HSPA12A: variants seen among roughly 807,000 people sequenced by gnomAD.
HSPA12A encodes heat shock 70 kDa protein 12A.
In HSPA12A, 28 loss-of-function variants were observed where a neutral mutation model predicts 69.2. That is an observed-to-expected ratio of 0.40 (90% CI 0.30 to 0.55). The LOEUF (loss-of-function observed/expected upper bound fraction) is 0.55, where lower values mean the gene tolerates loss of function less well. HSPA12A is among the 20% of genes least tolerant of loss of function. HSPA12A has a pLI of 0.38. For synonymous variants in HSPA12A, 345 were observed against 370.5 expected (o/e 0.93, Z 0.79); for missense variants, 686 against 900.7 (o/e 0.76, Z 3.05).
intron 5 of HSPA12A, among the ~76,000 whole-genome samples, chr10:116,696,494 C>G (rs924564857): frequency 6.6e-6 from 1 of 152,190 alleles, no homozygotes; most frequent in Non-Finnish European, 1.5e-5. Flanking sequence ...ATTCTTCCTT[C>G]GTCTTGCACC....
intron 1 of HSPA12A, among the ~76,000 whole-genome samples, chr10:116,721,700 C>T (rs1850782911): frequency 6.6e-6 from 1 of 152,168 alleles, no homozygotes; most frequent in Non-Finnish European, 1.5e-5. Context: ...ATATGAGTCT[C>T]TCCAAACCCT....
At chr10:116,689,811 AAAAAAC>A (rs1355791799) in intron 6 of HSPA12A, among the ~76,000 whole-genome samples, 1 of 152,030 alleles carries the variant, frequency 6.6e-6, no homozygotes, top group Non-Finnish European at 1.5e-5. Flanking sequence ...AAAAAAAAAA[AAAAAAC>A]AATGACCCAG....
intron 2 of HSPA12A, among the ~76,000 whole-genome samples, chr10:116,814,137 A>G (rs1258702111): frequency 2.6e-5 from 4 of 152,252 alleles, no homozygotes; most frequent in African/African-American, 9.6e-5. Context: ...TTTTTAAAAA[A>G]GAATTAAATG....
intron 2 of HSPA12A, among the ~76,000 whole-genome samples, chr10:116,758,325 G>T (rs1446110491): frequency 6.6e-6 from 1 of 152,070 alleles, no homozygotes; most frequent in East Asian, 1.9e-4. Context: ...TCAATGCATT[G>T]CCCTGTGACT....
chr10:116,797,258 C>T (rs371797264), intron 2 of HSPA12A, among the ~76,000 whole-genome samples: 1 of 128,510 alleles, frequency 7.8e-6, no homozygotes. Flanking sequence ...GGCTGGTGCA[C>T]GGGGCTGACA....
chr10:116,730,495 C>T (rs1380693938), intron 1 of HSPA12A, among the ~76,000 whole-genome samples: 2 of 152,170 alleles, frequency 1.3e-5, no homozygotes, highest in Non-Finnish European at 2.9e-5. Context: ...TAACTGAGGC[C>T]CAGAGAGGCT....
chr10:116,681,765 G>A (rs782818620), intron 8 of HSPA12A, 26 bp downstream of exon 8: 13 of 1,598,182 alleles, frequency 8.1e-6, no homozygotes, highest in Non-Finnish European at 1.1e-5. Context: ...AATCCAGCAA[G>A]AGCAAAGGAC....
At position 116,686,042 on chromosome 10, in the gene HSPA12A, C is replaced by T. The variant is rs782721635; in HGVS notation, c.664-2080G>A. Among the ~76,000 whole-genome samples, 3 of 152,180 alleles carry T rather than the reference C, an allele frequency of 2.0e-5. No individual in the cohort carries two copies. The highest frequency in any genetic ancestry group is 6.5e-5 in the Admixed American group (1 of 15,280). Reference sequence around the variant, plus strand: ...AGCTGGGTCTGCCCTTAGGTGACATCGGTCAACAGGGCCCTGACTCAGGTG... The same window carrying T: ...AGCTGGGTCTGCCCTTAGGTGACATTGGTCAACAGGGCCCTGACTCAGGTG... On this transcript the variant is annotated intron_variant, in intron 6 of 11. Coordinates refer to ENST00000369209, the MANE Select transcript of HSPA12A (RefSeq NM_025015.3). The surrounding 1 kb of genome is among the most constrained non-coding windows in gnomAD (Gnocchi z 4.1).
At chr10:116,716,668 C>G (rs1320311416) in intron 1 of HSPA12A, among the ~76,000 whole-genome samples, 1 of 152,190 alleles carries the variant, frequency 6.6e-6, no homozygotes, top group African/African-American at 2.4e-5. Flanking sequence ...GGCTCTTCGG[C>G]TGCTGCTCTT....
At chr10:116,719,214 C>T (rs868964679) in intron 1 of HSPA12A, among the ~76,000 whole-genome samples, 1 of 152,194 alleles carries the variant, frequency 6.6e-6, no homozygotes, top group Admixed American at 6.5e-5. Context: ...AGCCTCCTCC[C>T]GCTGCCAATG....
At chr10:116,843,888 T>C (rs998044260) in intron 1 of HSPA12A, among the ~76,000 whole-genome samples, 1 of 152,214 alleles carries the variant, frequency 6.6e-6, no homozygotes, top group Non-Finnish European at 1.5e-5. Flanking sequence ...TCGTGGTGCT[T>C]AATTTCTAAT....
chr10:116,755,756 C>T (rs1554888707), intron 2 of HSPA12A, among the ~76,000 whole-genome samples: 3 of 150,804 alleles, frequency 2.0e-5, no homozygotes, highest in African/African-American at 7.3e-5. Flanking sequence ...TGGCATGAGC[C>T]CAGGAATTCA....
rs199644098 is a variant in HSPA12A at position 116,754,960 on chromosome 10, A to AT, written c.92-47676dup. Among the ~76,000 whole-genome samples the AT allele has an allele frequency of 5.0e-3, 738 of 148,638 alleles. 6 individuals are homozygous for AT. Among genetic ancestry groups the AT allele is most frequent in the African/African-American group, 0.015 (612 of 40,762 alleles). ...AGAAAACAACTATATTTATCCATGT[A>AT]TTTTTTTTTTTGAAACAGAATCTCA... On this transcript the variant is annotated intron_variant, in intron 2 of 12. Transcript: ENST00000635765.
intron 5 of HSPA12A, among the ~76,000 whole-genome samples, chr10:116,693,622 T>C (rs975177500): frequency 6.6e-6 from 1 of 152,208 alleles, no homozygotes; most frequent in Non-Finnish European, 1.5e-5. Context: ...GAAAGATTAA[T>C]AGACTGATGA....
chr10:116,730,451 C>A (rs1277711882), intron 1 of HSPA12A, among the ~76,000 whole-genome samples: 1 of 152,208 alleles, frequency 6.6e-6, no homozygotes, highest in Non-Finnish European at 1.5e-5. Context: ...AACACTAGCT[C>A]CCAGGCATGG....
At chr10:116,824,619 C>G (rs1845466620) in intron 2 of HSPA12A, among the ~76,000 whole-genome samples, 1 of 152,144 alleles carries the variant, frequency 6.6e-6, no homozygotes, top group African/African-American at 2.4e-5. Flanking sequence ...GTAATCCCAC[C>G]ACTTAGTGTT....
chr10:116,774,720 A>G (rs965032842), intron 2 of HSPA12A, among the ~76,000 whole-genome samples: 1 of 152,270 alleles, frequency 6.6e-6, no homozygotes, highest in East Asian at 1.9e-4. Flanking sequence ...TTCACCCACC[A>G]GAAAACCCAG....
chr10:116,849,406 T>C (rs1845982607), intron 1 of HSPA12A: 2 of 1,021,922 alleles, frequency 2.0e-6, no homozygotes, highest in Non-Finnish European at 2.7e-6. Flanking sequence ...GCAAATACCA[T>C]CCTAGCTCCA....
intron 2 of HSPA12A, among the ~76,000 whole-genome samples, chr10:116,798,650 C>A (rs888160654): frequency 1.3e-5 from 2 of 152,098 alleles, no homozygotes; most frequent in Non-Finnish European, 2.9e-5. Flanking sequence ...AAAACCACAG[C>A]GTTTGACAGC....
Sources: gnomAD v4.1 joint callset for allele counts (sites outside exome capture counted in the v4.1 genomes callset) on GRCh38, gnomAD v4.1.1 for gene constraint, Gnocchi (gnomAD v3.1) non-coding constraint, MANE v1.5 for transcripts, NCBI Gene and HGNC (gene_info 2026-07-23, HGNC 2026-07-21) for gene names.